Variants in DMRT1 observed in about 807,000 individuals in gnomAD.
DMRT1 encodes doublesex and mab-3 related transcription factor 1.
A neutral mutation model predicts 32.3 loss-of-function variants in DMRT1; 7 were observed. The ratio of observed to expected loss-of-function variants is 0.22; its 90% CI spans 0.12 to 0.41. The LOEUF (loss-of-function observed/expected upper bound fraction) is 0.41, where lower values mean the gene tolerates loss of function less well. Ranked by LOEUF, DMRT1 falls within the 10% of genes least tolerant of loss-of-function variation. The pLI, the probability that DMRT1 is intolerant of heterozygous loss-of-function variation, is 1.00. For synonymous variants in DMRT1, 278 were observed against 206.1 expected, an observed-to-expected ratio of 1.35 and a Z score of -2.99; for missense variants, 625 against 500.5, an observed-to-expected ratio of 1.25 and a Z score of -2.37.
rs10977756 is a variant in DMRT1 at position 953,547 on chromosome 9, C to G, written c.968-14438C>G. Among the ~76,000 whole-genome samples, 724 of 152,320 alleles carry G rather than the reference C, an allele frequency of 4.8e-3. 4 individuals are homozygous for G. The highest frequency in any genetic ancestry group is 0.016 in the African/African-American group (677 of 41,570). ...GAAAGTTTATCAAGTGGATTCTTCT[C>G]TCTCGCCTGCAGGAAGCTGACCCAT... is the stretch of plus-strand genomic sequence containing the variant. On this transcript the variant is annotated intron_variant, in intron 4 of 4. Coordinates refer to ENST00000382276, the MANE Select transcript of DMRT1 (RefSeq NM_021951.3).
At chr9:953,394 G>A (rs1564273810) in intron 4 of DMRT1, among the ~76,000 whole-genome samples, 3 of 152,100 alleles carry the variant, frequency 2.0e-5, no homozygotes, top group African/African-American at 7.2e-5. Flanking sequence ...GGGTAGATTC[G>A]AGCTGCCTCA....
chr9:856,170 G>T (rs146335030), intron 2 of DMRT1, among the ~76,000 whole-genome samples: 2,704 of 152,228 alleles, frequency 0.018, 81 homozygotes, highest in African/African-American at 0.059. Flanking sequence ...ACCCGCCTCG[G>T]CCTCCCAAAG....
chr9:902,670 G>C (rs1424708823), intron 3 of DMRT1, among the ~76,000 whole-genome samples: 1 of 151,628 alleles, frequency 6.6e-6, no homozygotes, highest in African/African-American at 2.4e-5. Flanking sequence ...TATATTTTTA[G>C]TAGAGACAGG....
At chr9:899,436 G>A (rs984114261) in intron 3 of DMRT1, among the ~76,000 whole-genome samples, 2 of 152,182 alleles carry the variant, frequency 1.3e-5, no homozygotes, top group African/African-American at 4.8e-5. Flanking sequence ...AAAAAATAGA[G>A]CAGTCTCCTA....
chr9:842,296 G>A, intron 1 of DMRT1, 104 bp downstream of exon 1: 10 of 1,405,882 alleles, frequency 7.1e-6, no homozygotes, highest in African/African-American at 1.5e-5. Context: ...GTGTAGTGGC[G>A]CGATCTTGGC....
At chr9:917,348 A>G (rs10491586) in intron 4 of DMRT1, among the ~76,000 whole-genome samples, 84,904 of 152,110 alleles carry the variant, frequency 0.56, 26,171 homozygotes, top group South Asian at 0.72. Flanking sequence ...ACATTTTTGA[A>G]TACAATAGAT....
At chr9:938,396 C>G (rs1402958742) in intron 4 of DMRT1, among the ~76,000 whole-genome samples, 1 of 152,124 alleles carries the variant, frequency 6.6e-6, no homozygotes, top group Non-Finnish European at 1.5e-5. Context: ...TTAAGTCTTC[C>G]AGTCCATGAA....
chr9:919,849 G>T (rs751235800), intron 4 of DMRT1, among the ~76,000 whole-genome samples: 1 of 152,212 alleles, frequency 6.6e-6, no homozygotes, highest in African/African-American at 2.4e-5. Flanking sequence ...ATATTTTAAA[G>T]ATAGAACCAA....
chr9:914,800 G>C (rs891778687), intron 3 of DMRT1, among the ~76,000 whole-genome samples: 5 of 152,124 alleles, frequency 3.3e-5, no homozygotes, highest in Non-Finnish European at 5.9e-5. Flanking sequence ...TTGAGCTTGA[G>C]AGCAGTAGAG....
intron 4 of DMRT1, among the ~76,000 whole-genome samples, chr9:957,757 C>T (rs1159018132): frequency 6.6e-6 from 1 of 152,184 alleles, no homozygotes; most frequent in African/African-American, 2.4e-5. Context: ...CGCCTGTAAT[C>T]CCAGCACTTT....
chr9:892,527 C>A (rs980348418), intron 2 of DMRT1, among the ~76,000 whole-genome samples: 8 of 152,152 alleles, frequency 5.3e-5, no homozygotes, highest in African/African-American at 1.9e-4. Flanking sequence ...TTTCATCCCC[C>A]ACATGTCCCT....
At chr9:877,048 C>T (rs10977248) in intron 2 of DMRT1, among the ~76,000 whole-genome samples, 42,603 of 127,826 alleles carry the variant, frequency 0.33, 8,524 homozygotes, top group Non-Finnish European at 0.42. Context: ...ACTTGAACCT[C>T]TCTGGGTGTA....
intron 3 of DMRT1, 111 bp downstream of exon 3, chr9:894,306 C>G (rs945306015): frequency 8.5e-7 from 1 of 1,182,398 alleles, no homozygotes; most frequent in African/African-American, 1.5e-5. Flanking sequence ...CCCAGAGGCA[C>G]ACACAGGTGA....
intron 4 of DMRT1, among the ~76,000 whole-genome samples, chr9:938,525 T>C (rs1818960034): frequency 6.6e-6 from 1 of 152,218 alleles, no homozygotes; most frequent in Non-Finnish European, 1.5e-5. Flanking sequence ...TTATTTTTGA[T>C]GGTATTGTAA....
At chr9:939,592 T>C (rs1338575621) in intron 4 of DMRT1, among the ~76,000 whole-genome samples, 4 of 152,244 alleles carry the variant, frequency 2.6e-5, no homozygotes, top group African/African-American at 9.6e-5. Flanking sequence ...TGGCATTTAA[T>C]GCACACCTAA....
At chr9:919,391 G>A (rs995231782) in intron 4 of DMRT1, among the ~76,000 whole-genome samples, 18 of 135,116 alleles carry the variant, frequency 1.3e-4, no homozygotes, top group Admixed American at 3.1e-4. Context: ...TATAAAGCTG[G>A]CAACATGAAA....
intron 4 of DMRT1, among the ~76,000 whole-genome samples, chr9:931,196 C>G (rs1818714353): frequency 6.6e-6 from 1 of 152,180 alleles, no homozygotes; most frequent in African/African-American, 2.4e-5. Flanking sequence ...TTCAGAGCTT[C>G]ATTTCTTTTT....
At chr9:866,493 G>A (rs1366273962) in intron 2 of DMRT1, among the ~76,000 whole-genome samples, 2 of 149,240 alleles carry the variant, frequency 1.3e-5, no homozygotes, top group Non-Finnish European at 3.0e-5. Context: ...GTATTTTAAA[G>A]TGTTTAGTTT....
At chr9:844,932 G>A (rs1326371733) in intron 1 of DMRT1, among the ~76,000 whole-genome samples, 1 of 152,082 alleles carries the variant, frequency 6.6e-6, no homozygotes, top group Non-Finnish European at 1.5e-5. Flanking sequence ...ATATTGGCCA[G>A]GCTGGTCTCA....
Sources: allele counts gnomAD v4.1 joint callset (sites outside exome capture counted in the v4.1 genomes callset), GRCh38; gene constraint gnomAD v4.1.1; transcripts MANE v1.5; gene names NCBI Gene and HGNC (gene_info 2026-07-23, HGNC 2026-07-21).